Variants in ADGRV1 observed in about 807,000 individuals in gnomAD.
ADGRV1 encodes the protein adhesion G protein-coupled receptor V1.
A neutral mutation model predicts 596.2 loss-of-function variants in ADGRV1; 359 were observed. The ratio of observed to expected loss-of-function variants is 0.60; its 90% CI spans 0.55 to 0.66. The LOEUF is 0.66. Among genes scored for constraint, ADGRV1 ranks in the 30% least tolerant of loss-of-function variants. ADGRV1 has a pLI of 0.00. For missense variants in ADGRV1, 7,274 were observed against 7,575.6 expected, an observed-to-expected ratio of 0.96 and a Z score of 1.48; for synonymous variants, 2,681 against 2,679.2, an observed-to-expected ratio of 1.00 and a Z score of -0.02.
At chr5:90,872,471 T>G (rs1768791432) in intron 83 of ADGRV1, among the ~76,000 whole-genome samples, 1 of 147,984 alleles carries the variant, frequency 6.8e-6, no homozygotes, top group Non-Finnish European at 1.5e-5. Context: ...GTGTGTACAT[T>G]TGAAATTTGA....
intron 87 of ADGRV1, among the ~76,000 whole-genome samples, chr5:91,106,900 T>G (rs75372770): frequency 0.011 from 1,693 of 152,242 alleles, 25 homozygotes; most frequent in African/African-American, 0.038. Context: ...AGAACCTGGA[T>G]AGGGTTTGCA....
At chr5:91,026,773 A>G (rs1052128948) in intron 85 of ADGRV1, among the ~76,000 whole-genome samples, 1 of 152,136 alleles carries the variant, frequency 6.6e-6, no homozygotes, top group African/African-American at 2.4e-5. Flanking sequence ...ATGTCTTCGT[A>G]AAGATAAGCT....
chr5:90,627,508 G>C lies in ADGRV1; in HGVS notation c.970G>C (p.Asp324His), dbSNP rs777211517. 2.3e-5 allele frequency: 37 copies of C among 1,613,820 alleles called. No individual in the cohort carries two copies. The highest frequency in any genetic ancestry group is 3.1e-5 in the Non-Finnish European group (37 of 1,179,858). Residue 324 changes from aspartate to histidine, a missense_variant, in exon 7 of 90, where the codon GAT (aspartate) becomes CAT (histidine). By Grantham distance (81) the Asp-to-His change is moderately conservative (BLOSUM62 -1). Transcript: ENST00000405460. Reference protein sequence around the residue: ...AHAQQNLDFIDLQPNTTVVFP... With the variant: ...AHAQQNLDFIHLQPNTTVVFP... ...TGCCCAGCAAAATCTGGACTTCATT[G>C]ATCTTCAGCCAAACACAACTGTTGT...
At chr5:90,889,873 G>A (rs1581429151) in intron 83 of ADGRV1, among the ~76,000 whole-genome samples, 1 of 152,090 alleles carries the variant, frequency 6.6e-6, no homozygotes, top group Admixed American at 6.6e-5. Flanking sequence ...AGAAAGAGAG[G>A]GCTGATGGAG....
intron 1 of ADGRV1, among the ~76,000 whole-genome samples, chr5:90,613,273 C>T (rs1580451294): frequency 6.6e-6 from 1 of 152,084 alleles, no homozygotes; most frequent in Non-Finnish European, 1.5e-5. Context: ...CTCCCTCTTC[C>T]ATTTTGTGCT....
At chr5:90,572,472 A>G (rs1756653108) in intron 1 of ADGRV1, among the ~76,000 whole-genome samples, 1 of 152,216 alleles carries the variant, frequency 6.6e-6, no homozygotes, top group Non-Finnish European at 1.5e-5. Context: ...ACTGGTACGA[A>G]AGCAGAAACA....
At chr5:90,815,502 C>T (rs1339609302) in intron 74 of ADGRV1, 117 bp from the exon 75 acceptor site, 2 of 581,924 alleles carry the variant, frequency 3.4e-6, no homozygotes, top group African/African-American at 3.7e-5. Flanking sequence ...CTGTAGCTCT[C>T]CTCACCACCT....
chr5:90,680,161 C>T (rs1744748649), intron 26 of ADGRV1, among the ~76,000 whole-genome samples: 1 of 151,994 alleles, frequency 6.6e-6, no homozygotes, highest in African/African-American at 2.4e-5. Context: ...ACCAGCCTGA[C>T]CAACATAGTA....
chr5:90,927,682 TA>T (rs1255819475), intron 83 of ADGRV1, among the ~76,000 whole-genome samples: 1 of 152,128 alleles, frequency 6.6e-6, no homozygotes, highest in Non-Finnish European at 1.5e-5. Flanking sequence ...ATTATGATGT[TA>T]GGGGTGATTT....
intron 50 of ADGRV1, among the ~76,000 whole-genome samples, chr5:90,738,967 A>G (rs2443066): frequency 0.38 from 58,372 of 151,686 alleles, 12,232 homozygotes; most frequent in Admixed American, 0.54. Flanking sequence ...ATTCCTATAG[A>G]CCTTCTCTAT....
intron 1 of ADGRV1, among the ~76,000 whole-genome samples, chr5:90,613,912 A>G (rs1039517495): frequency 6.6e-6 from 1 of 152,152 alleles, no homozygotes; most frequent in East Asian, 1.9e-4. Context: ...CTCATAGAGT[A>G]TGTAATGCAG....
intron 1 of ADGRV1, among the ~76,000 whole-genome samples, chr5:90,593,342 A>G (rs1237350979): frequency 1.3e-5 from 2 of 152,152 alleles, no homozygotes; most frequent in East Asian, 1.9e-4. Context: ...TGAACAAACT[A>G]TCACAAGGAC....
chr5:90,965,774 G>A (rs1409409558), intron 84 of ADGRV1, among the ~76,000 whole-genome samples: 1 of 152,198 alleles, frequency 6.6e-6, no homozygotes, highest in Non-Finnish European at 1.5e-5. Context: ...TAGAGATGAA[G>A]TCTGCAATGT....
intron 87 of ADGRV1, among the ~76,000 whole-genome samples, chr5:91,148,237 G>C (rs929442730): frequency 6.6e-6 from 1 of 152,202 alleles, no homozygotes. Context: ...GTAATGAGGA[G>C]CCAAATGTTA....
chr5:90,855,869 C>T lies in ADGRV1; in HGVS notation c.17723C>T (p.Ala5908Val). ...RTDNLSSYNE[A>V]FFTSGFICIS... ...GACAACTTGTCTTCATACAATGAAGCCTTCTTCACTTCTGGATTTATATGT... is the reference window on the plus strand; with the variant it reads ...GACAACTTGTCTTCATACAATGAAGTCTTCTTCACTTCTGGATTTATATGT... Residue 5908 changes from alanine to valine, a missense_variant, in exon 82 of 90, where the codon GCC becomes GTC. By Grantham distance (64) the Ala-to-Val change is moderately conservative. Around this residue, in one of 5 missense-constraint regions of ADGRV1, gnomAD observed 1,874 missense variants for 1,970.2 expected, o/e 0.95. Coordinates refer to ENST00000405460, the MANE Select transcript of ADGRV1 (RefSeq NM_032119.4). The T allele has an allele frequency of 6.2e-7, 1 of 1,612,592 alleles. No homozygotes were observed. The highest frequency in any genetic ancestry group is 8.5e-7 in the Non-Finnish European group (1 of 1,178,772).
intron 83 of ADGRV1, among the ~76,000 whole-genome samples, chr5:90,886,071 C>G (rs1046160069): frequency 6.6e-6 from 1 of 152,126 alleles, no homozygotes; most frequent in Non-Finnish European, 1.5e-5. Context: ...ACCAATGATC[C>G]TGTTGCTGAC....
intron 83 of ADGRV1, among the ~76,000 whole-genome samples, chr5:90,870,754 A>C (rs772697778): frequency 2.0e-5 from 3 of 152,120 alleles, no homozygotes; most frequent in Admixed American, 6.6e-5. Flanking sequence ...GCTGCAGGGA[A>C]TCTGGGCCCT....
intron 78 of ADGRV1, among the ~76,000 whole-genome samples, chr5:90,848,051 T>C (rs1171607864): frequency 1.3e-5 from 2 of 152,080 alleles, no homozygotes; most frequent in African/African-American, 4.8e-5. Context: ...TTTTTCCTCC[T>C]TTTTTCCCCT....
intron 86 of ADGRV1, among the ~76,000 whole-genome samples, chr5:91,087,759 G>A (rs1007265550): frequency 6.6e-6 from 1 of 152,008 alleles, no homozygotes; most frequent in South Asian, 2.1e-4. Context: ...ACCTTATTTG[G>A]GAGGCACTAA....
Sources: allele counts gnomAD v4.1 joint callset (sites outside exome capture counted in the v4.1 genomes callset), GRCh38; gene constraint gnomAD v4.1.1; regional missense constraint gnomAD v4.1.1; transcripts MANE v1.5; gene names NCBI Gene and HGNC (gene_info 2026-07-23, HGNC 2026-07-21).